Variants in CLIC5 observed in about 807,000 individuals in gnomAD.
CLIC5 encodes the protein CLIC family member 5.
CLIC5 carries 20 observed loss-of-function variants against 24.7 expected under a neutral mutation model. The observed-to-expected ratio is 0.81, with a 90% CI of 0.57 to 1.18. CLIC5 has a LOEUF of 1.18. CLIC5 is among the 50% of genes most tolerant of loss of function. The probability of loss-of-function intolerance (pLI) is 0.00; values close to 1 mark genes in which losing one functional copy is unlikely to be tolerated. For synonymous variants in CLIC5, 159 were observed against 135.6 expected (o/e 1.17, Z -1.20); for missense variants, 341 against 326.1 (o/e 1.05, Z -0.35).
At chr6:45,939,473 G>A (rs980738106) in intron 4 of CLIC5, among the ~76,000 whole-genome samples, 1 of 151,940 alleles carries the variant, frequency 6.6e-6, no homozygotes, top group Non-Finnish European at 1.5e-5. Flanking sequence ...ATGTAGTCAA[G>A]AGCCACCACA....
chr6:45,949,443 C>T, intron 2 of CLIC5, 62 bp from the exon 3 acceptor site: 2 of 1,558,522 alleles, frequency 1.3e-6, no homozygotes, highest in Middle Eastern at 1.8e-4. Context: ...TCTGGGAAAC[C>T]TAAGATTGAT....
the CLIC5 span, among the ~76,000 whole-genome samples, chr6:46,108,299 G>A: frequency 6.0e-5 from 9 of 149,814 alleles, no homozygotes; most frequent in Non-Finnish European, 1.3e-4. Flanking sequence ...AACATTTTTT[G>A]TTTACATTTT....
At chr6:46,122,260 C>T in the CLIC5 span, among the ~76,000 whole-genome samples, 1 of 152,184 alleles carries the variant, frequency 6.6e-6, no homozygotes, top group African/African-American at 2.4e-5. Flanking sequence ...CAAACTAGAA[C>T]TCAGGATTAA....
At chr6:45,994,592 C>T (rs974931845) in intron 1 of CLIC5, among the ~76,000 whole-genome samples, 2 of 151,950 alleles carry the variant, frequency 1.3e-5, no homozygotes, top group South Asian at 2.1e-4. Context: ...ACGTTCTGCA[C>T]GTGTATCCCG....
chr6:46,110,074 C>T, the CLIC5 span, among the ~76,000 whole-genome samples: 1 of 152,138 alleles, frequency 6.6e-6, no homozygotes, highest in Admixed American at 6.5e-5. Context: ...TTGCTCCTTG[C>T]TCTCCCAGGA....
Position 46,060,064 on chromosome 6 carries a change from A to AT in CLIC5, c.540+19638dup, listed in dbSNP as rs371172319. On this transcript the variant is annotated intron_variant, in intron 1 of 5. Transcript: ENST00000185206. ...GTAGTTTTCCCAGCAAATATTAAAA[A>AT]TAAAAAAATTAAAAAACAAGAGGAG... is the stretch of plus-strand genomic sequence containing the variant. 2.6e-3 allele frequency among the ~76,000 whole-genome samples: 392 copies of AT among 152,340 alleles called. 1 individual carries two copies. The highest frequency in any genetic ancestry group is 8.1e-3 in the African/African-American group (335 of 41,584).
At chr6:46,074,549 G>T (rs890346538) in intron 1 of CLIC5, among the ~76,000 whole-genome samples, 1 of 152,184 alleles carries the variant, frequency 6.6e-6, no homozygotes, top group Non-Finnish European at 1.5e-5. Context: ...CCCTAAACTT[G>T]TTCAGTGCAC....
chr6:45,941,725 CATG>C, intron 3 of CLIC5, 72 bp from the exon 4 acceptor site: 1 of 1,116,046 alleles, frequency 9.0e-7, no homozygotes, highest in South Asian at 1.2e-5. Context: ...CTATCCCTAT[CATG>C]ATAAGCAATA....
chr6:46,078,986 A>T (rs1164212131), intron 1 of CLIC5, among the ~76,000 whole-genome samples: 1 of 152,198 alleles, frequency 6.6e-6, no homozygotes, highest in African/African-American at 2.4e-5. Flanking sequence ...TCACATAAAT[A>T]TGAATATTGT....
At chr6:45,924,090 A>G (rs1266169935) in intron 4 of CLIC5, among the ~76,000 whole-genome samples, 1 of 152,226 alleles carries the variant, frequency 6.6e-6, no homozygotes, top group Non-Finnish European at 1.5e-5. Context: ...TGAGAAACAA[A>G]GCATACAAAA....
At chr6:46,056,150 T>C (rs1269648602) in intron 1 of CLIC5, among the ~76,000 whole-genome samples, 3 of 152,158 alleles carry the variant, frequency 2.0e-5, no homozygotes, top group African/African-American at 2.4e-5. Flanking sequence ...AGAAGGAAAG[T>C]AATTTGACTA....
intron 4 of CLIC5, 58 bp from the exon 5 acceptor site, chr6:45,914,467 T>C (rs1762943468): frequency 1.4e-6 from 2 of 1,470,492 alleles, no homozygotes; most frequent in Non-Finnish European, 1.8e-6. Flanking sequence ...GATACAGTCA[T>C]AGGGTCTTCA....
chr6:46,098,849 G>T, the CLIC5 span, among the ~76,000 whole-genome samples: 1 of 152,192 alleles, frequency 6.6e-6, no homozygotes, highest in Non-Finnish European at 1.5e-5. Context: ...GGTTTTAAGT[G>T]TGAACTGGAT....
chr6:46,015,691 C>G lies in CLIC5; in HGVS notation c.-149G>C, dbSNP rs1388189304. ...TCACAAAACCATCTATTCTCCAGCC[C>G]GAGCAGCGGGGTCTGAGAGATCAGT... is the stretch of plus-strand genomic sequence containing the variant. On this transcript the variant is annotated 5_prime_UTR_variant, in exon 1 of 6. Transcript: ENST00000339561. 5.4e-6 allele frequency: 7 copies of G among 1,285,288 alleles called. No homozygotes were observed. The highest frequency in any genetic ancestry group is 2.4e-4 in the Middle Eastern group (1 of 4,124). 79.6% of individuals were successfully genotyped at this position (1,285,288 alleles called of 1,614,324 possible).
chr6:45,914,926 T>C (rs926556606), intron 4 of CLIC5, among the ~76,000 whole-genome samples: 1 of 151,962 alleles, frequency 6.6e-6, no homozygotes, highest in East Asian at 1.9e-4. Context: ...TTTATTTATT[T>C]ATTTGTTTGT....
intron 2 of CLIC5, among the ~76,000 whole-genome samples, chr6:45,952,428 T>C (rs1764504027): frequency 6.6e-6 from 1 of 152,218 alleles, no homozygotes; most frequent in Admixed American, 6.5e-5. Context: ...GAGTTCTTGC[T>C]ATGAGTCAGG....
chr6:46,002,696 G>A (rs1234201344), intron 1 of CLIC5, among the ~76,000 whole-genome samples: 2 of 152,196 alleles, frequency 1.3e-5, no homozygotes, highest in African/African-American at 4.8e-5. Context: ...TTAAGCCAAA[G>A]GGGTTGATCA....
chr6:46,007,391 T>G (rs932148535), intron 1 of CLIC5, among the ~76,000 whole-genome samples: 16 of 152,342 alleles, frequency 1.1e-4, no homozygotes, highest in Non-Finnish European at 2.4e-4. Flanking sequence ...ACCAGGAAAC[T>G]GCTGAGTCTT....
At chr6:45,945,992 A>G (rs140829302) in intron 3 of CLIC5, among the ~76,000 whole-genome samples, 16 of 152,222 alleles carry the variant, frequency 1.1e-4, no homozygotes, top group Non-Finnish European at 2.1e-4. Flanking sequence ...TGAGACAATA[A>G]CCAGCTCTGG....
Sources: allele counts gnomAD v4.1 joint callset (sites outside exome capture counted in the v4.1 genomes callset), GRCh38; gene constraint gnomAD v4.1.1; transcripts MANE v1.5; gene names NCBI Gene and HGNC (gene_info 2026-07-23, HGNC 2026-07-21).